Variants in P2RY8 observed in about 807,000 individuals in gnomAD.
P2RY8 encodes P2Y receptor family member 8.
In P2RY8, 6 loss-of-function variants were observed where a neutral mutation model predicts 10.0. The observed-to-expected ratio is 0.60, with a 90% CI of 0.33 to 1.19. The LOEUF is 1.19. Ranked by LOEUF, P2RY8 falls within the 50% of genes most tolerant of loss-of-function variation. The probability of loss-of-function intolerance (pLI) is 0.04; values close to 1 mark genes in which losing one functional copy is unlikely to be tolerated. For missense variants in P2RY8, 456 were observed against 542.0 expected, an observed-to-expected ratio of 0.84 and a Z score of 1.58; for synonymous variants, 276 against 252.5, an observed-to-expected ratio of 1.09 and a Z score of -0.88.
intron 1 of P2RY8, among the ~76,000 whole-genome samples, chrX:1,498,322 C>A (rs1166522202): frequency 1.4e-5 from 2 of 142,880 alleles, no homozygotes; most frequent in Non-Finnish European, 3.0e-5. Context: ...AGGAGAATGG[C>A]GTGAACCTGG....
chrX:1,497,514 C>T (rs181861514), intron 1 of P2RY8, among the ~76,000 whole-genome samples: 215 of 149,548 alleles, frequency 1.4e-3, no homozygotes, highest in Middle Eastern at 3.7e-3. Context: ...ACAAATTAGC[C>T]GGGCATGGTG....
At chrX:1,524,992 G>T (rs1569538737) in intron 1 of P2RY8, among the ~76,000 whole-genome samples, 1 of 152,182 alleles carries the variant, frequency 6.6e-6, no homozygotes, top group Non-Finnish European at 1.5e-5. Context: ...AGCTGCTCAA[G>T]AAGGTGGTCT....
At chrX:1,488,438 TCA>T (rs1370920823) in intron 1 of P2RY8, among the ~76,000 whole-genome samples, 2 of 152,150 alleles carry the variant, frequency 1.3e-5, no homozygotes, top group East Asian at 1.9e-4. Flanking sequence ...TGGGACCAAC[TCA>T]CAGATATCTC....
chrX:1,494,742 G>A (rs2092100107), intron 1 of P2RY8, among the ~76,000 whole-genome samples: 1 of 152,096 alleles, frequency 6.6e-6, no homozygotes, highest in Non-Finnish European at 1.5e-5. Context: ...GTCTCGCTCT[G>A]CCTCCCAACC....
chrX:1,489,571 A>T (rs2092022331), intron 1 of P2RY8, among the ~76,000 whole-genome samples: 1 of 152,184 alleles, frequency 6.6e-6, no homozygotes, highest in Non-Finnish European at 1.5e-5. Context: ...AGAGAGAATG[A>T]ATGAATGATA....
At chrX:1,482,949 G>T (rs1337100728) in intron 1 of P2RY8, among the ~76,000 whole-genome samples, 2 of 152,008 alleles carry the variant, frequency 1.3e-5, no homozygotes, top group East Asian at 1.9e-4. Context: ...GTTGTGGGGT[G>T]GGGGGACGGG....
At chrX:1,467,092 T>C (rs1270093519) in intron 1 of P2RY8, among the ~76,000 whole-genome samples, 3 of 151,934 alleles carry the variant, frequency 2.0e-5, no homozygotes, top group Non-Finnish European at 2.9e-5. Context: ...CCCAGGGTGG[T>C]CTTAATGGGA....
intron 1 of P2RY8, among the ~76,000 whole-genome samples, chrX:1,505,737 C>T (rs1323828501): frequency 9.9e-5 from 15 of 152,022 alleles, no homozygotes; most frequent in Non-Finnish European, 1.8e-4. Context: ...TTGCAGTGAG[C>T]CGACATGGCG....
chrX:1,535,698 C>A (rs1350996486), intron 1 of P2RY8, among the ~76,000 whole-genome samples: 1 of 90,464 alleles, frequency 1.1e-5, no homozygotes, highest in Non-Finnish European at 2.2e-5. Context: ...AACAACCACA[C>A]ACACACACAC....
At chrX:1,511,579 G>T (rs1173258699) in intron 1 of P2RY8, among the ~76,000 whole-genome samples, 15 of 152,144 alleles carry the variant, frequency 9.9e-5, no homozygotes, top group Non-Finnish European at 2.2e-4. Context: ...GAATGCAGTG[G>T]TGTGATCACA....
At chrX:1,491,954 C>T (rs1238610725) in intron 1 of P2RY8, among the ~76,000 whole-genome samples, 3 of 152,266 alleles carry the variant, frequency 2.0e-5, no homozygotes, top group South Asian at 2.1e-4. Flanking sequence ...GGACAGAAGG[C>T]GGCAGGGGCA....
At position 1,536,513 on chromosome X, in the gene P2RY8, C is replaced by T. The variant is rs1368994990; in HGVS notation, c.-25+408G>A. 4.6e-5 allele frequency among the ~76,000 whole-genome samples: 7 copies of T among 151,290 alleles called. 1 individual carries two copies. Among genetic ancestry groups the T allele is most frequent in the Non-Finnish European group, 7.4e-5 (5 of 67,770 alleles). On this transcript the variant is annotated intron_variant, in intron 1 of 1. Transcript: ENST00000381297. ...CTGACCTCAGATGATCCACCCACCT[C>T]GGTCCCCCAAAGTGCTGGGATTACA...
chrX:1,531,204 TG>T (rs1485088914), intron 1 of P2RY8, among the ~76,000 whole-genome samples: 8 of 152,134 alleles, frequency 5.3e-5, no homozygotes, highest in African/African-American at 1.9e-4. Context: ...GTCACAACTG[TG>T]GGTGCTCCTG....
At chrX:1,488,017 T>G (rs1259480412) in intron 1 of P2RY8, among the ~76,000 whole-genome samples, 5 of 151,604 alleles carry the variant, frequency 3.3e-5, no homozygotes, top group Non-Finnish European at 7.4e-5. Context: ...GGCTGAGGCA[T>G]GAGAATCGCT....
intron 1 of P2RY8, among the ~76,000 whole-genome samples, chrX:1,489,058 T>C (rs1327768124): frequency 6.6e-6 from 1 of 151,118 alleles, no homozygotes; most frequent in Non-Finnish European, 1.5e-5. Flanking sequence ...ACCCAGAGAT[T>C]CATTCCCACA....
At chrX:1,512,526 A>G (rs749476452) in intron 1 of P2RY8, among the ~76,000 whole-genome samples, 122 of 146,768 alleles carry the variant, frequency 8.3e-4, no homozygotes, top group Non-Finnish European at 1.4e-3. Flanking sequence ...CAGCCTGGGC[A>G]ACAGAGTGAG....
Position 1,462,842 on chromosome X carries a change from T to C in P2RY8, c.*2637A>G, listed in dbSNP as rs2091602832. On this transcript the variant is annotated 3_prime_UTR_variant, in exon 2 of 2. Transcript: ENST00000381297. Reference sequence around the variant, plus strand: ...ATCTTAAAACATGTGTGTGAGTCAATAGACCTGTGTTATCTTTTCACTCAA... The same window carrying C: ...ATCTTAAAACATGTGTGTGAGTCAACAGACCTGTGTTATCTTTTCACTCAA... The C allele has an allele frequency of 4.3e-6, 1 of 232,968 alleles. No homozygotes were observed. Among genetic ancestry groups the C allele is most frequent in the Admixed American group, 5.6e-5 (1 of 17,736 alleles). The allele number at this position is 232,968 out of a possible 1,614,324, so 14.4% of individuals were successfully genotyped here. A position where few individuals can be genotyped will look rare whatever the true frequency, so the allele number is the denominator to read the frequency against.
At chrX:1,489,755 A>G (rs1188820640) in intron 1 of P2RY8, among the ~76,000 whole-genome samples, 2 of 145,264 alleles carry the variant, frequency 1.4e-5, no homozygotes, top group South Asian at 4.6e-4. Context: ...AATGAATGAT[A>G]CCCCAGATTC....
At chrX:1,521,303 C>A (rs1351477805) in intron 1 of P2RY8, among the ~76,000 whole-genome samples, 29 of 152,116 alleles carry the variant, frequency 1.9e-4, no homozygotes, top group African/African-American at 6.8e-4. Flanking sequence ...GCCTTGGCCT[C>A]CCAAAGTGCT....
Sources: gnomAD v4.1 joint callset for allele counts (sites outside exome capture counted in the v4.1 genomes callset) on GRCh38, gnomAD v4.1.1 for gene constraint, MANE v1.5 for transcripts, NCBI Gene and HGNC (gene_info 2026-07-23, HGNC 2026-07-21) for gene names.